The following LYST variants were observed in gnomAD, a reference collection of about 807,000 sequenced individuals.
LYST encodes lysosomal trafficking regulator, also known as lysosomal-trafficking regulator.
Under a neutral mutation model 413.6 loss-of-function variants are expected in LYST, and 192 were observed. The ratio of observed to expected loss-of-function variants is 0.46; its 90% CI spans 0.41 to 0.52. LYST has a LOEUF of 0.52. LYST is among the 20% of genes least tolerant of loss of function. LYST has a pLI of 0.00. For synonymous variants in LYST, 1,525 were observed against 1,567.3 expected (o/e 0.97, Z 0.64); for missense variants, 3,815 against 4,499.9 (o/e 0.85, Z 4.35).
chr1:235,780,714 A>G (rs1669779854), intron 16 of LYST, 151 bp downstream of exon 16: 4 of 391,302 alleles, frequency 1.0e-5, no homozygotes, highest in Admixed American at 8.8e-5. Flanking sequence ...AAGTGTTTCA[A>G]TTTTTTTCAG....
At chr1:235,683,674 C>T (rs139681086) in intron 48 of LYST, among the ~76,000 whole-genome samples, 56 of 152,310 alleles carry the variant, frequency 3.7e-4, no homozygotes, top group African/African-American at 1.3e-3. Flanking sequence ...TCCTATGTGG[C>T]ACTTGGTTGG....
intron 24 of LYST, among the ~76,000 whole-genome samples, chr1:235,756,332 G>A (rs141804729): frequency 1.9e-4 from 29 of 151,916 alleles, no homozygotes; most frequent in African/African-American, 5.6e-4. Flanking sequence ...GAATCCTTCC[G>A]TTTCCCCTAT....
intron 10 of LYST, among the ~76,000 whole-genome samples, chr1:235,799,928 CTTTTTTTTTTTTTTTTTTTTTTTTT>C (rs67988872): frequency 4.9e-4 from 31 of 63,492 alleles, no homozygotes; most frequent in South Asian, 1.4e-3. Flanking sequence ...CAATGGAAGC[CTTTTTTTTTTTTTTTTTTTTTTTTT>C]TTTTTTTTTT....
intron 40 of LYST, among the ~76,000 whole-genome samples, chr1:235,717,133 T>C (rs184822836): frequency 2.0e-5 from 3 of 152,314 alleles, no homozygotes; most frequent in Admixed American, 1.3e-4. Context: ...TGAAAGTTAG[T>C]GTCCCATTTT....
intron 12 of LYST, among the ~76,000 whole-genome samples, chr1:235,791,169 C>A (rs1021119854): frequency 1.3e-5 from 2 of 152,014 alleles, no homozygotes; most frequent in Non-Finnish European, 2.9e-5. Flanking sequence ...TGAATCCCAG[C>A]TATTCGGGAG....
At chr1:235,737,933 CGCGT>C in intron 31 of LYST, 1 of 1,231,990 alleles carries the variant, frequency 8.1e-7, no homozygotes. Context: ...ATCTCACTGC[CGCGT>C]GCCCCAACAC....
Position 235,753,184 on chromosome 1 carries a change from G to T in LYST, c.7320C>A (p.Asp2440Glu). The change falls in exon 26 of 53, where the codon GAC (aspartate) becomes GAA (glutamate). Residue 2440 changes from aspartate (D) to glutamate (E), a missense_variant. Physicochemically the swap from Asp to Glu is conservative, Grantham distance 45. Coordinates refer to ENST00000389793, the MANE Select transcript of LYST (RefSeq NM_000081.4). ...ILGLIETSLY[D>E]NILLHNALLL... ...AAAGAGCATTATGCAAGAGTATGTT[G>T]TCATATAGAGAGGTCTCTATTAGTC... is the stretch of plus-strand genomic sequence containing the variant. 6.2e-7 allele frequency: 1 copy of T among 1,608,874 alleles called. No individual in the cohort carries two copies. Among genetic ancestry groups the T allele is most frequent in the Non-Finnish European group, 8.5e-7 (1 of 1,175,532 alleles).
chr1:235,864,654 G>A (rs1680283667), intron 1 of LYST, among the ~76,000 whole-genome samples: 1 of 152,214 alleles, frequency 6.6e-6, no homozygotes, highest in Non-Finnish European at 1.5e-5. Context: ...GCCTGGGGCC[G>A]AGCGCAGTGG....
intron 14 of LYST, among the ~76,000 whole-genome samples, chr1:235,785,704 T>G (rs1670345280): frequency 6.6e-6 from 1 of 152,204 alleles, no homozygotes. Context: ...TTCATTTTTA[T>G]TTCTCATTAT....
intron 38 of LYST, among the ~76,000 whole-genome samples, chr1:235,725,587 T>C (rs1001019748): frequency 6.6e-6 from 1 of 152,206 alleles, no homozygotes. Context: ...GTTAAATCCA[T>C]GTCTGGATGG....
rs533323305 is a variant in LYST at position 235,789,667 on chromosome 1, T to TA, written c.4544-823dup. ...CAACAGGTAAAACCATGACCGATGT[T>TA]AAAAAAATACTCCCTGTAGCGATGA... On this transcript the variant is annotated intron_variant, in intron 12 of 52. Transcript: ENST00000389793. Among the ~76,000 whole-genome samples, 149 of 152,222 alleles carry TA rather than the reference T, an allele frequency of 9.8e-4. 2 individuals carry two copies. Among genetic ancestry groups the TA allele is most frequent in the Middle Eastern group, 3.4e-3 (1 of 294 alleles).
At chr1:235,872,906 ACT>A (rs1457151834) in intron 1 of LYST, among the ~76,000 whole-genome samples, 1 of 151,978 alleles carries the variant, frequency 6.6e-6, no homozygotes, top group Admixed American at 6.6e-5. Flanking sequence ...ACAGAGTGAG[ACT>A]CTGTCTCAAA....
At position 235,753,134 on chromosome 1, in the gene LYST, G is replaced by A. The variant is rs764859264; in HGVS notation, c.7370C>T (p.Ser2457Phe). The A allele has an allele frequency of 6.2e-7, 1 of 1,609,718 alleles. No homozygotes were observed. The highest frequency in any genetic ancestry group is 2.2e-5 in the East Asian group (1 of 44,700). The stretch of plus-strand genomic sequence containing the variant: ...CAACATATCTGCTACCTTAGAACAA[G>A]AATTTAAAATTTGGAGAAGAAGTAA... ...ALLLLLQILN[S>F]CSKVADMLLD... is the part of the protein sequence containing the mutation. Residue 2457 changes from serine (S) to phenylalanine (F), a missense_variant, in exon 26 of 53, where the codon TCT becomes TTT. Coordinates refer to ENST00000389793, the MANE Select transcript of LYST (RefSeq NM_000081.4).
intron 14 of LYST, among the ~76,000 whole-genome samples, chr1:235,784,056 T>C (rs1572246365): frequency 6.6e-6 from 1 of 152,020 alleles, no homozygotes; most frequent in Non-Finnish European, 1.5e-5. Flanking sequence ...ATTTTTTTAT[T>C]TTTAGTGGAG....
rs368896974 is a variant in LYST at position 235,728,077 on chromosome 1, G to A, written c.9161C>T (p.Ser3054Leu). The change falls in exon 38 of 53, where the codon TCG (serine) becomes TTG (leucine). Residue 3054 changes from serine (S) to leucine (L), a missense_variant and splice_region_variant. Physicochemically the swap from Ser to Leu is moderately radical, Grantham distance 145. This residue lies in a region of LYST where 866 missense variants were observed against 1,156.0 expected (regional missense o/e 0.75). Coordinates refer to ENST00000389793, the MANE Select transcript of LYST (RefSeq NM_000081.4). Reference sequence around the variant, plus strand: ...ATACAGACTTAAGCCTCTACTCACCGAACTTTCAACTGTATCAGAAGCATT... The same window carrying A: ...ATACAGACTTAAGCCTCTACTCACCAAACTTTCAACTGTATCAGAAGCATT... ...EDNASDTVES[S>L]SLQGELEPAS... is the part of the protein sequence containing the mutation. 6 of 1,609,634 alleles carry A rather than the reference G, an allele frequency of 3.7e-6. No individual in the cohort carries two copies. The highest frequency in any genetic ancestry group is 5.1e-6 in the Non-Finnish European group (6 of 1,176,184).
chr1:235,749,034 C>T (rs1053695467), intron 28 of LYST, among the ~76,000 whole-genome samples: 1 of 152,112 alleles, frequency 6.6e-6, no homozygotes, highest in Non-Finnish European at 1.5e-5. Context: ...AAACATTTAT[C>T]AGTAAAGAGA....
intron 14 of LYST, among the ~76,000 whole-genome samples, chr1:235,783,658 C>A (rs1032631658): frequency 2.0e-5 from 3 of 151,888 alleles, no homozygotes; most frequent in Admixed American, 1.3e-4. Context: ...AAAAATATAA[C>A]AATGAAATAA....
chr1:235,820,847 C>T (rs1283527695), intron 3 of LYST, among the ~76,000 whole-genome samples: 2 of 152,140 alleles, frequency 1.3e-5, no homozygotes, highest in African/African-American at 2.4e-5. Context: ...AAAGTTTCTA[C>T]ATTAGTACTA....
chr1:235,723,225 C>G (rs1663544007), intron 39 of LYST, among the ~76,000 whole-genome samples: 1 of 152,090 alleles, frequency 6.6e-6, no homozygotes, highest in African/African-American at 2.4e-5. Flanking sequence ...CAGTTTTGTA[C>G]AGGTTACGTT....
Sources: gnomAD v4.1 joint callset for allele counts (sites outside exome capture counted in the v4.1 genomes callset) on GRCh38, gnomAD v4.1.1 for gene constraint, gnomAD v4.1.1 regional missense constraint, MANE v1.5 for transcripts, NCBI Gene and HGNC (gene_info 2026-07-23, HGNC 2026-07-21) for gene names.